The following TECTA variants were observed in gnomAD, a reference collection of about 807,000 sequenced individuals.
The protein encoded by TECTA is alpha-tectorin.
A neutral mutation model predicts 216.8 loss-of-function variants in TECTA; 128 were observed. The ratio of observed to expected loss-of-function variants is 0.59; its 90% CI spans 0.51 to 0.68. TECTA has a LOEUF of 0.68. Among genes scored for constraint, TECTA ranks in the 30% least tolerant of loss-of-function variants. The pLI, the probability that TECTA is intolerant of heterozygous loss-of-function variation, is 0.00. For synonymous variants in TECTA, 1,089 were observed against 1,117.1 expected (o/e 0.97, Z 0.50); for missense variants, 2,551 against 2,786.2 (o/e 0.92, Z 1.90).
intron 1 of TECTA, among the ~76,000 whole-genome samples, chr11:121,101,993 G>A (rs549495938): frequency 6.6e-5 from 10 of 152,286 alleles, no homozygotes; most frequent in African/African-American, 1.9e-4. Context: ...TTGCTTGTGC[G>A]CTGGATTCTA....
At position 121,128,119 on chromosome 11, in the gene TECTA, G is replaced by A. The variant is rs745416393; in HGVS notation, c.2142G>A (p.Leu714=). The A allele has an allele frequency of 7.4e-6, 12 of 1,612,840 alleles. No individual in the cohort carries two copies. The highest frequency in any genetic ancestry group is 1.0e-5 in the Non-Finnish European group (12 of 1,179,982). ...GCFPKRETVC[L]LSQNQVLHTF... ...TCCCCAAGCGGGAGACCGTGTGCCTGCTCAGCCAGAACCAGGTGCTGCACA... is the reference window on the plus strand; with the variant it reads ...TCCCCAAGCGGGAGACCGTGTGCCTACTCAGCCAGAACCAGGTGCTGCACA... Residue 714 remains leucine, a synonymous_variant, in exon 9 of 24, where the codon CTG becomes CTA. Coordinates refer to ENST00000392793, the MANE Select transcript of TECTA (RefSeq NM_005422.4).
intron 10 of TECTA, among the ~76,000 whole-genome samples, chr11:121,136,291 T>C (rs1490614444): frequency 6.6e-6 from 1 of 151,968 alleles, no homozygotes; most frequent in Non-Finnish European, 1.5e-5. Flanking sequence ...GGAAGGCTTC[T>C]GGGAAGATGG....
chr11:121,168,293 A>G, intron 19 of TECTA, 76 bp downstream of exon 19: 2 of 1,592,078 alleles, frequency 1.3e-6, no homozygotes, highest in African/African-American at 2.7e-5. Context: ...CAAAATTGCT[A>G]GCGTTTGTCT....
intron 2 of TECTA, among the ~76,000 whole-genome samples, chr11:121,102,999 G>A (rs775605340): frequency 9.9e-5 from 15 of 151,984 alleles, no homozygotes; most frequent in Non-Finnish European, 1.5e-4. Context: ...TTAAAATTAC[G>A]CAAAATTATT....
Position 121,153,031 on chromosome 11 carries a change from G to T in TECTA, c.4256G>T (p.Cys1419Phe). ...GGCTACGTCCTCAACGGCAAGAGCT[G>T]CATCCTGCCCCACAGCTGCGGCTGC... ...DAGYVLNGKS[C>F]ILPHSCGCYS... is the part of the protein sequence containing the mutation. Residue 1419 changes from cysteine (C) to phenylalanine (F), a missense_variant, in exon 13 of 24, where the codon TGC becomes TTC. Around this residue, in one of 3 missense-constraint regions of TECTA, gnomAD observed 2,375 missense variants for 2,563.9 expected, o/e 0.93. Transcript: ENST00000392793. The T allele has an allele frequency of 6.2e-7, 1 of 1,614,146 alleles. No individual in the cohort carries two copies.
At chr11:121,145,474 T>G in intron 11 of TECTA, 81 bp from the exon 12 acceptor site, 1 of 1,487,284 alleles carries the variant, frequency 6.7e-7, no homozygotes. Flanking sequence ...GGACTTGTCT[T>G]TCAAGAGACT....
rs188192250 is a variant in TECTA, at chr11:121,155,720, C to T, written c.4306-2121C>T. ...TCTGGATAACGCTATTTTGGTAAGT[C>T]GATAATGCATTGAGTGCCCACATCT... is the stretch of plus-strand genomic sequence containing the variant. On this transcript the variant is annotated intron_variant, in intron 13 of 23. Coordinates refer to ENST00000392793, the MANE Select transcript of TECTA (RefSeq NM_005422.4). 3.7e-4 allele frequency among the ~76,000 whole-genome samples: 57 copies of T among 152,210 alleles called. No individual in the cohort carries two copies. In the East Asian group the frequency reaches 7.5e-3, roughly 20 times the overall value.
chr11:121,116,335 A>T (rs1025203467), intron 6 of TECTA, among the ~76,000 whole-genome samples: 4 of 152,110 alleles, frequency 2.6e-5, no homozygotes, highest in South Asian at 2.1e-4. Context: ...GAAGTTGCAG[A>T]CTCTTACCCA....
Position 121,189,816 on chromosome 11 carries a change from G to A in TECTA, c.6303G>A (p.Arg2101=), listed in dbSNP as rs727505252. The A allele has an allele frequency of 6.2e-7, 1 of 1,613,854 alleles. No homozygotes were observed. Among genetic ancestry groups the A allele is most frequent in the Admixed American group, 1.7e-5 (1 of 60,002 alleles). The change falls in exon 23 of 24, where the codon CGG becomes CGA. Residue 2101 remains arginine, a synonymous_variant. Coordinates refer to ENST00000392793, the MANE Select transcript of TECTA (RefSeq NM_005422.4). ...NGGCEQICTS[R]VDGPLCSCVT... is the part of the protein sequence containing the mutation. ...GGTGTGAGCAGATTTGCACGAGCCG[G>A]GTGGATGGGCCTCTCTGCAGCTGTG... is the stretch of plus-strand genomic sequence containing the variant.
At position 121,190,963 on chromosome 11, in the gene TECTA, G is replaced by C; in HGVS notation, c.*157G>C. Reference sequence around the variant, plus strand: ...AATGGTCCAAGGTCCAGAAACCAGCGACCATCCAAGCTCCTCTTTCAGAGT... The same window carrying C: ...AATGGTCCAAGGTCCAGAAACCAGCCACCATCCAAGCTCCTCTTTCAGAGT... On this transcript the variant is annotated 3_prime_UTR_variant, in exon 24 of 24. Transcript: ENST00000392793. 1.6e-6 allele frequency: 1 copy of C among 619,066 alleles called. No individual in the cohort carries two copies. The highest frequency in any genetic ancestry group is 2.9e-6 in the Non-Finnish European group (1 of 343,782). 38.3% of individuals were successfully genotyped at this position (619,066 alleles called of 1,614,324 possible).
chr11:121,182,808 G>C (rs1456501743), intron 20 of TECTA, among the ~76,000 whole-genome samples: 2 of 152,084 alleles, frequency 1.3e-5, no homozygotes, highest in Non-Finnish European at 2.9e-5. Flanking sequence ...GTGGTGACTG[G>C]TGGGTGAGTC....
At chr11:121,183,327 T>C (rs1947249677) in intron 20 of TECTA, among the ~76,000 whole-genome samples, 2 of 152,038 alleles carry the variant, frequency 1.3e-5, no homozygotes, top group African/African-American at 4.8e-5. Flanking sequence ...CTGGAGGGTG[T>C]GCGATTCAGT....
intron 6 of TECTA, 145 bp from the exon 7 acceptor site, chr11:121,118,161 A>T (rs1015991900): frequency 1.5e-5 from 16 of 1,042,526 alleles, no homozygotes; most frequent in Non-Finnish European, 2.0e-5. Flanking sequence ...CAGTTTCCTC[A>T]TTTGTCAAAT....
chr11:121,183,823 T>C (rs1031226663), intron 20 of TECTA, among the ~76,000 whole-genome samples: 3 of 152,252 alleles, frequency 2.0e-5, no homozygotes, highest in African/African-American at 7.2e-5. Context: ...AGTCTCACTC[T>C]ATTGCCCAGG....
chr11:121,165,298 G>C lies in TECTA; in HGVS notation c.5298G>C (p.Val1766=). The change falls in exon 17 of 24, where the codon GTG becomes GTC. Residue 1766 remains valine, a synonymous_variant. Transcript: ENST00000392793. ...CAGGAGTGGTTGAAGATCCCTGTGT[G>C]GGGGCGGACTGTCCCAACCGAACTT... ...NCSGVVEDPC[V]GADCPNRTCE... is the part of the protein sequence containing the mutation. 1.2e-6 allele frequency: 2 copies of C among 1,607,460 alleles called. No homozygotes were observed. Among genetic ancestry groups the C allele is most frequent in the Non-Finnish European group, 8.5e-7 (1 of 1,177,110 alleles).
chr11:121,178,088 T>G (rs1947187407), intron 20 of TECTA, among the ~76,000 whole-genome samples: 1 of 152,226 alleles, frequency 6.6e-6, no homozygotes, highest in East Asian at 1.9e-4. Context: ...TGTCACCCCT[T>G]TCTTTGACTA....
At chr11:121,160,016 C>T (rs35317734) in intron 14 of TECTA, 119 bp from the exon 15 acceptor site, 19 of 1,102,042 alleles carry the variant, frequency 1.7e-5, no homozygotes, top group Non-Finnish European at 2.4e-5. Flanking sequence ...AGAATGGAGT[C>T]GTTGAGACAG....
At chr11:121,117,821 T>C (rs1002243147) in intron 6 of TECTA, among the ~76,000 whole-genome samples, 1 of 152,356 alleles carries the variant, frequency 6.6e-6, no homozygotes, top group Admixed American at 6.5e-5. Context: ...TGATTAGTGC[T>C]ATTGACCTTT....
rs1159210445 is a variant in TECTA, at chr11:121,128,239, C to CA, written c.2264dup (p.Asn755LysfsTer104). On this transcript the variant is annotated frameshift_variant, in exon 9 of 24. Transcript: ENST00000392793. LOFTEE classifies it high-confidence loss of function. ...GCCCAGAGTACTTGGAAATCGACAT[C>CA]AACAAGAAGAAGCCCGATGCAGGAC... 1.9e-6 allele frequency: 3 copies of CA among 1,600,908 alleles called. No individual in the cohort carries two copies. Among genetic ancestry groups the CA allele is most frequent in the Admixed American group, 3.3e-5 (2 of 60,006 alleles).
Sources: allele counts gnomAD v4.1 joint callset (sites outside exome capture counted in the v4.1 genomes callset), GRCh38; gene constraint gnomAD v4.1.1; regional missense constraint gnomAD v4.1.1; transcripts MANE v1.5; gene names NCBI Gene and HGNC (gene_info 2026-07-23, HGNC 2026-07-21).